Variants in TCF4 observed in about 807,000 individuals in gnomAD.
TCF4 encodes SL3-3 enhancer factor 2.
A neutral mutation model predicts 82.1 loss-of-function variants in TCF4; 3 were observed. That is an observed-to-expected ratio of 0.04 (90% CI 0.02 to 0.09). The LOEUF is 0.09. Ranked by LOEUF, TCF4 falls within the 10% of genes least tolerant of loss-of-function variation. The pLI is 1.00. For synonymous variants in TCF4, 276 were observed against 309.6 expected, an observed-to-expected ratio of 0.89 and a Z score of 1.14; for missense variants, 518 against 852.7, an observed-to-expected ratio of 0.61 and a Z score of 4.89.
intron 8 of TCF4, among the ~76,000 whole-genome samples, chr18:55,301,527 G>T (rs949094832): frequency 6.6e-6 from 1 of 152,076 alleles, no homozygotes; most frequent in Non-Finnish European, 1.5e-5. Context: ...TCCAGCAGCC[G>T]CTTCTGAACA....
chr18:55,267,397 CTCT>C (rs897445002), intron 11 of TCF4: 2 of 152,066 alleles, frequency 1.3e-5, no homozygotes, highest in African/African-American at 4.8e-5. Context: ...GAGAAAGCTT[CTCT>C]TCTTGTTATA....
At chr18:55,598,987 T>G (rs2097694008) in intron 2 of TCF4, among the ~76,000 whole-genome samples, 1 of 152,216 alleles carries the variant, frequency 6.6e-6, no homozygotes, top group Admixed American at 6.5e-5. Flanking sequence ...AAGCCTCAGC[T>G]GAGGTGAGAC....
chr18:55,547,016 TGAG>T (rs1181430009), intron 3 of TCF4: 3 of 152,272 alleles, frequency 2.0e-5, no homozygotes, highest in African/African-American at 7.2e-5. Context: ...TTCCAGCTCC[TGAG>T]GAGAAAACAT....
At chr18:55,588,523 T>C (rs1373298140), upstream of TCF4, 7 of 1,533,578 alleles carry the variant, frequency 4.6e-6, no homozygotes, top group Admixed American at 1.4e-4. Flanking sequence ...AGTTCAGTTT[T>C]TGCCCGTTGC....
chr18:55,584,413 C>T (rs867382542), intron 3 of TCF4, among the ~76,000 whole-genome samples: 49 of 152,128 alleles, frequency 3.2e-4, no homozygotes, highest in African/African-American at 1.0e-3. Flanking sequence ...ACTTAAGCCA[C>T]GGACTTAAAG....
chr18:55,481,644 C>A (rs1277021658), intron 3 of TCF4, among the ~76,000 whole-genome samples: 1 of 152,182 alleles, frequency 6.6e-6, no homozygotes, highest in Non-Finnish European at 1.5e-5. Flanking sequence ...AGGCAGTACT[C>A]CTCCCAAAAC....
chr18:55,421,105 C>T (rs1273701986), intron 5 of TCF4, among the ~76,000 whole-genome samples: 2 of 151,928 alleles, frequency 1.3e-5, no homozygotes, highest in African/African-American at 4.8e-5. Context: ...AAAGTAAAAC[C>T]TTCTTTTGCC....
chr18:55,426,096 ATT>A (rs947781225), intron 5 of TCF4, among the ~76,000 whole-genome samples: 26 of 128,324 alleles, frequency 2.0e-4, no homozygotes, highest in Admixed American at 1.1e-3. Context: ...AAGACAAAAA[ATT>A]TTATATATAT....
intron 3 of TCF4, among the ~76,000 whole-genome samples, chr18:55,554,334 T>A (rs1341608721): frequency 6.6e-6 from 1 of 152,018 alleles, no homozygotes; most frequent in East Asian, 1.9e-4. Flanking sequence ...TGAAAAAATT[T>A]AATTTATTAA....
At chr18:55,408,733 G>C (rs1462638490) in intron 5 of TCF4, among the ~76,000 whole-genome samples, 4 of 152,058 alleles carry the variant, frequency 2.6e-5, no homozygotes, top group African/African-American at 9.7e-5. Context: ...AGGTACAAGT[G>C]ACAGAGCCAG....
At chr18:55,275,484 T>C in intron 10 of TCF4, 135 bp downstream of exon 10, 2 of 1,147,200 alleles carry the variant, frequency 1.7e-6, no homozygotes, top group South Asian at 2.5e-5. Context: ...ACAGAAACAA[T>C]ACAACTTAAG....
chr18:55,346,765 T>C (rs921778249), intron 8 of TCF4, among the ~76,000 whole-genome samples: 2 of 152,170 alleles, frequency 1.3e-5, no homozygotes, highest in Non-Finnish European at 2.9e-5. Flanking sequence ...GTTTTACATG[T>C]TTACATGTTG....
At chr18:55,402,637 A>C (rs1376943954) in intron 6 of TCF4, among the ~76,000 whole-genome samples, 1 of 152,192 alleles carries the variant, frequency 6.6e-6, no homozygotes, top group Non-Finnish European at 1.5e-5. Flanking sequence ...TAAATTTTTA[A>C]AAAAGATTTT....
rs2057686784 is a variant in TCF4 at position 55,259,933 on chromosome 18, A to G, written c.1069+16T>C. On this transcript the variant is annotated intron_variant, in intron 13 of 19. Transcript: ENST00000354452. The stretch of plus-strand genomic sequence containing the variant: ...ATAAACTGTTATATGATGAAATGGG[A>G]TTTGAAATACACTACCTGAGAGAGA... 1 of 1,601,040 alleles carries G rather than the reference A, an allele frequency of 6.2e-7. No individual in the cohort carries two copies. The highest frequency in any genetic ancestry group is 1.1e-5 in the South Asian group (1 of 90,834).
intron 3 of TCF4, among the ~76,000 whole-genome samples, chr18:55,546,102 G>A (rs538637262): frequency 3.3e-5 from 5 of 152,218 alleles, no homozygotes; most frequent in South Asian, 2.1e-4. Context: ...TTGGGAGGCC[G>A]AGGCAGGAGA....
intron 5 of TCF4, among the ~76,000 whole-genome samples, chr18:55,433,285 T>G (rs969024968): frequency 6.6e-6 from 1 of 152,206 alleles, no homozygotes; most frequent in Non-Finnish European, 1.5e-5. Flanking sequence ...ATGGGTAAAA[T>G]GCAGATAACA....
chr18:55,376,290 T>C (rs1202260926), intron 6 of TCF4, among the ~76,000 whole-genome samples: 1 of 152,118 alleles, frequency 6.6e-6, no homozygotes, highest in East Asian at 1.9e-4. Flanking sequence ...CCTCCTAAAG[T>C]GCTGGGATTA....
At chr18:55,305,428 A>G (rs1292724014) in intron 8 of TCF4, among the ~76,000 whole-genome samples, 1 of 152,182 alleles carries the variant, frequency 6.6e-6, no homozygotes, top group Non-Finnish European at 1.5e-5. Flanking sequence ...ATTTCCAAAA[A>G]CCAGAAGAAA....
intron 2 of TCF4, among the ~76,000 whole-genome samples, chr18:55,621,329 A>G (rs1186567306): frequency 6.8e-6 from 1 of 146,126 alleles, no homozygotes; most frequent in South Asian, 2.1e-4. Flanking sequence ...AATATTTAAC[A>G]TATCTTTTTC....
Sources: gnomAD v4.1 joint callset for allele counts (sites outside exome capture counted in the v4.1 genomes callset) on GRCh38, gnomAD v4.1.1 for gene constraint, MANE v1.5 for transcripts, NCBI Gene and HGNC (gene_info 2026-07-23, HGNC 2026-07-21) for gene names.